Variants in ABLIM1 observed in about 807,000 individuals in gnomAD.
ABLIM1 encodes the protein actin-binding LIM protein 1.
In ABLIM1, 40 loss-of-function variants were observed where a neutral mutation model predicts 107.0. That is an observed-to-expected ratio of 0.37 (90% confidence interval 0.29 to 0.49). The LOEUF (loss-of-function observed/expected upper bound fraction) is 0.49. ABLIM1 is among the 20% of genes least tolerant of loss of function. The pLI, the probability that ABLIM1 is intolerant of heterozygous loss-of-function variation, is 0.97. For synonymous variants in ABLIM1, 357 were observed against 357.3 expected (o/e 1.00, Z 0.01); for missense variants, 857 against 1,008.5 (o/e 0.85, Z 2.04).
intron 9 of ABLIM1, 59 bp downstream of exon 9, chr10:114,473,820 T>C: frequency 7.5e-7 from 1 of 1,333,472 alleles, no homozygotes; most frequent in Non-Finnish European, 1.1e-6. Flanking sequence ...CCCATTCTGC[T>C]ATTACAATCC....
chr10:114,687,445 A>G (rs965459955), upstream of ABLIM1, among the ~76,000 whole-genome samples: 1 of 152,214 alleles, frequency 6.6e-6, no homozygotes, highest in African/African-American at 2.4e-5. Context: ...AAGGAGAACA[A>G]TTCTCTTCTG....
At chr10:114,763,539 G>A (rs189442028) in intron 1 of ABLIM1, among the ~76,000 whole-genome samples, 103 of 151,788 alleles carry the variant, frequency 6.8e-4, no homozygotes, top group Non-Finnish European at 1.4e-3. Context: ...GGTGCACAAC[G>A]CCATGCCCAC....
chr10:114,783,701 T>C, the ABLIM1 span, among the ~76,000 whole-genome samples: 2 of 151,674 alleles, frequency 1.3e-5, no homozygotes, highest in Non-Finnish European at 1.5e-5. Flanking sequence ...TGCAGGTAAA[T>C]GTTTAGTATG....
chr10:114,509,033 G>A (rs1417495810), intron 6 of ABLIM1, among the ~76,000 whole-genome samples: 1 of 152,250 alleles, frequency 6.6e-6, no homozygotes, highest in African/African-American at 2.4e-5. Flanking sequence ...GATGAGCAAA[G>A]AGAGGCACAT....
chr10:114,637,653 AT>A (rs1171005310), intron 1 of ABLIM1, among the ~76,000 whole-genome samples: 1 of 152,254 alleles, frequency 6.6e-6, no homozygotes, highest in African/African-American at 2.4e-5. Flanking sequence ...ACTACGGTAT[AT>A]TTAAAGTTCC....
chr10:114,510,656 A>T (rs1390367153), intron 6 of ABLIM1, among the ~76,000 whole-genome samples: 6 of 97,106 alleles, frequency 6.2e-5, no homozygotes, highest in East Asian at 3.3e-4. Context: ...TTATTTTATT[A>T]TTTTTTTTTT....
chr10:114,634,595 T>C (rs767118257), intron 1 of ABLIM1, among the ~76,000 whole-genome samples: 2 of 152,188 alleles, frequency 1.3e-5, no homozygotes, highest in Non-Finnish European at 1.5e-5. Flanking sequence ...GGAGACTAAG[T>C]TGGCAGAGTA....
intron 6 of ABLIM1, among the ~76,000 whole-genome samples, chr10:114,513,054 C>A (rs1192674573): frequency 6.6e-6 from 1 of 151,988 alleles, no homozygotes; most frequent in Non-Finnish European, 1.5e-5. Context: ...CCATCCTCCT[C>A]CATCCATCCT....
chr10:114,557,804 G>T (rs1359237695), intron 4 of ABLIM1, among the ~76,000 whole-genome samples: 2 of 133,576 alleles, frequency 1.5e-5, no homozygotes, highest in Admixed American at 1.7e-4. Flanking sequence ...TTTTATCTGA[G>T]TTCCTTTCTC....
intron 1 of ABLIM1, chr10:114,632,420 T>G (rs1591672221): frequency 2.0e-6 from 2 of 985,472 alleles, no homozygotes; most frequent in South Asian, 4.7e-5. Context: ...ATTGGCTCCC[T>G]GTTACAGTCG....
chr10:114,683,710 G>C (rs541295165), intron 1 of ABLIM1, among the ~76,000 whole-genome samples: 2 of 152,112 alleles, frequency 1.3e-5, no homozygotes. Flanking sequence ...ATCAGCAACC[G>C]ATCGCCACAG....
intron 1 of ABLIM1, among the ~76,000 whole-genome samples, chr10:114,657,557 G>T (rs1452230992): frequency 6.6e-6 from 1 of 151,996 alleles, no homozygotes; most frequent in Non-Finnish European, 1.5e-5. Flanking sequence ...ACACAATTTG[G>T]ACCTCAACTT....
At chr10:114,740,488 T>C (rs2082264872) in intron 1 of ABLIM1, among the ~76,000 whole-genome samples, 1 of 152,042 alleles carries the variant, frequency 6.6e-6, no homozygotes, top group African/African-American at 2.4e-5. Context: ...GGAGGAAATC[T>C]GGGCATTATT....
chr10:114,794,443 G>A, the ABLIM1 span, among the ~76,000 whole-genome samples: 1 of 152,054 alleles, frequency 6.6e-6, no homozygotes, highest in African/African-American at 2.4e-5. Context: ...ATGAATGAAT[G>A]AATTTTTACT....
intron 6 of ABLIM1, among the ~76,000 whole-genome samples, chr10:114,538,739 G>A (rs1002945943): frequency 6.6e-5 from 10 of 152,224 alleles, no homozygotes; most frequent in Admixed American, 1.3e-4. Context: ...GAATGCTCCC[G>A]TGCAGCCTGG....
At chr10:114,703,712 G>A (rs7097805) in intron 1 of ABLIM1, among the ~76,000 whole-genome samples, 3,744 of 152,242 alleles carry the variant, frequency 0.025, 142 homozygotes, top group African/African-American at 0.085. Context: ...CTCTATAAAT[G>A]CTTTTTGGCC....
intron 1 of ABLIM1, among the ~76,000 whole-genome samples, chr10:114,666,131 A>G (rs975124921): frequency 6.6e-6 from 1 of 152,198 alleles, no homozygotes; most frequent in African/African-American, 2.4e-5. Context: ...TCTGATATGA[A>G]AATGCTTTTG....
rs1158947105 is a variant in ABLIM1, at chr10:114,644,329, A to ATATATATGTG, written c.244+13627_244+13628insCACATATATA. Among the ~76,000 whole-genome samples the ATATATATGTG allele has an allele frequency of 2.8e-3, 323 of 114,866 alleles. 2 individuals are homozygous for ATATATATGTG. The highest frequency in any genetic ancestry group is 0.013 in the African/African-American group (313 of 23,812). The allele number at this position is 114,866 out of a possible 152,430, so 75.4% of individuals were successfully genotyped here. A position where few individuals can be genotyped will look rare whatever the true frequency, so the allele number is the denominator to read the frequency against. On this transcript the variant is annotated intron_variant, in intron 1 of 22. Coordinates refer to ENST00000533213, the MANE Select transcript of ABLIM1 (RefSeq NM_002313.7). ...AAAATATATATATATATATATATAT[A>ATATATATGTG]TGTGTATATATTGTATATATACATA...
chr10:114,699,180 T>C (rs189672721), intron 1 of ABLIM1, among the ~76,000 whole-genome samples: 59 of 148,310 alleles, frequency 4.0e-4, no homozygotes, highest in Non-Finnish European at 6.7e-4. Flanking sequence ...ATAATCTAAA[T>C]ATGAAGCAAA....
Sources: allele counts gnomAD v4.1 joint callset (sites outside exome capture counted in the v4.1 genomes callset), GRCh38; gene constraint gnomAD v4.1.1; transcripts MANE v1.5; gene names NCBI Gene and HGNC (gene_info 2026-07-23, HGNC 2026-07-21).